Variants in TDRD6 observed in about 807,000 individuals in gnomAD.
TDRD6 encodes tudor domain-containing protein 6.
TDRD6 carries 186 observed loss-of-function variants against 157.5 expected under a neutral mutation model. The observed-to-expected ratio is 1.18, with a 90% CI of 1.05 to 1.33. The LOEUF (loss-of-function observed/expected upper bound fraction) is 1.33, where lower values mean the gene tolerates loss of function less well. Ranked by LOEUF, TDRD6 falls within the 40% of genes most tolerant of loss-of-function variation. TDRD6 has a pLI of 0.00. For missense variants in TDRD6, 3,066 were observed against 2,508.0 expected (o/e 1.22, Z -4.75); for synonymous variants, 1,075 against 945.2 (o/e 1.14, Z -2.52).
In TDRD6 at chr6:46,692,164, G is replaced by C; in HGVS notation, c.4036G>C (p.Glu1346Gln). 1 of 1,614,074 alleles carries C rather than the reference G, an allele frequency of 6.2e-7. No homozygotes were observed. The change falls in exon 1 of 4, where the codon GAA becomes CAA. Residue 1346 changes from glutamate (E) to glutamine (Q), a missense_variant. Transcript: ENST00000316081. ...ATTAAACAGTGTTAAAACAAGGCCC[G>C]AATATTATGTAGGTCCACCTTTGCA... is the stretch of plus-strand genomic sequence containing the variant. ...ERLNSVKTRPEYYVGPPLQRG... is the reference protein window; with the variant it reads ...ERLNSVKTRPQYYVGPPLQRG...
upstream of TDRD6, chr6:46,687,865 G>A: frequency 2.2e-6 from 1 of 445,820 alleles, no homozygotes; most frequent in East Asian, 4.3e-5. Context: ...GGAAGTGGCG[G>A]CGCCGAGTGA....
At position 46,702,095 on chromosome 6, in the gene TDRD6, C is replaced by T. The variant is rs1764640674; in HGVS notation, c.*208C>T. On this transcript the variant is annotated 3_prime_UTR_variant, in exon 4 of 4. Coordinates refer to ENST00000316081, the MANE Select transcript of TDRD6 (RefSeq NM_001010870.3). ...TAGTGATCCTGTTATATATACAGAT[C>T]TGGGATCTTTCGTCTTTATTGTCTT... is the stretch of plus-strand genomic sequence containing the variant. The T allele has an allele frequency of 4.8e-6, 2 of 416,530 alleles. No homozygotes were observed. Among genetic ancestry groups the T allele is most frequent in the Admixed American group, 4.1e-5 (1 of 24,098 alleles). 25.8% of individuals were successfully genotyped at this position (416,530 alleles called of 1,614,324 possible).
chr6:46,688,087 G>T lies in TDRD6; in HGVS notation c.-42G>T, dbSNP rs1448355935. 9.0e-6 allele frequency: 13 copies of T among 1,440,288 alleles called. No individual in the cohort carries two copies. Among genetic ancestry groups the T allele is most frequent in the Non-Finnish European group, 1.2e-5 (13 of 1,106,578 alleles). 89.2% of individuals were successfully genotyped at this position (1,440,288 alleles called of 1,614,324 possible). On this transcript the variant is annotated 5_prime_UTR_variant, in exon 1 of 4. Coordinates refer to ENST00000316081, the MANE Select transcript of TDRD6 (RefSeq NM_001010870.3). ...GAGGATTTCGAGGCCCTGAGGCGCG[G>T]CCCTTAATTTCCGGAAGTGGGGGCC...
chr6:46,689,328 A>ACTAG lies in TDRD6; in HGVS notation c.1201_1204dup (p.Gly402AlafsTer10). The ACTAG allele has an allele frequency of 6.2e-7, 1 of 1,614,164 alleles. No individual in the cohort carries two copies. The highest frequency in any genetic ancestry group is 8.5e-7 in the Non-Finnish European group (1 of 1,180,032). ...AGGTCGGTGACCTGAAGACACTGAT[A>ACTAG]CTAGGCAAGGCAGTGAATGCAAAGA... is the stretch of plus-strand genomic sequence containing the variant. On this transcript the variant is annotated frameshift_variant, in exon 1 of 4. Coordinates refer to ENST00000316081, the MANE Select transcript of TDRD6 (RefSeq NM_001010870.3). LOFTEE classifies it high-confidence loss of function.
upstream of TDRD6, chr6:46,687,874 G>A: frequency 2.1e-6 from 1 of 469,264 alleles, no homozygotes; most frequent in Non-Finnish European, 3.6e-6. Flanking sequence ...GGCGCCGAGT[G>A]AGGTAAATGC....
Position 46,691,414 on chromosome 6 carries a change from G to C in TDRD6, c.3286G>C (p.Val1096Leu). ...YDVLLLPMQA[V>L]RCSLSDIPDH... Reference sequence around the variant, plus strand: ...TGTCTTACTTTTGCCCATGCAAGCTGTCAGATGTTCATTATCTGATATTCC... The same window carrying C: ...TGTCTTACTTTTGCCCATGCAAGCTCTCAGATGTTCATTATCTGATATTCC... Residue 1096 changes from valine to leucine, a missense_variant, in exon 1 of 4, where the codon GTC (valine) becomes CTC (leucine). Coordinates refer to ENST00000316081, the MANE Select transcript of TDRD6 (RefSeq NM_001010870.3). The C allele has an allele frequency of 6.2e-7, 1 of 1,614,060 alleles. No homozygotes were observed.
In TDRD6 at chr6:46,693,296, A is replaced by G. The variant is rs1451800509; in HGVS notation, c.5168A>G (p.Tyr1723Cys). 1.2e-6 allele frequency: 2 copies of G among 1,611,618 alleles called. No individual in the cohort carries two copies. Among genetic ancestry groups the G allele is most frequent in the Non-Finnish European group, 8.5e-7 (1 of 1,179,442 alleles). ...DSEIKQTLGS[Y>C]NLDVGLKKLS... ...GAGATAAAGCAGACTCTTGGGTCCT[A>G]CAATCTTGATGTAGGACTTAAGAAA... Residue 1723 changes from tyrosine (Y) to cysteine (C), a missense_variant, in exon 1 of 4, where the codon TAC (tyrosine) becomes TGC (cysteine). Coordinates refer to ENST00000316081, the MANE Select transcript of TDRD6 (RefSeq NM_001010870.3).
In TDRD6 at chr6:46,692,510, T is replaced by C; in HGVS notation, c.4382T>C (p.Ile1461Thr). ...AAATTTCAAGACAGATGGGAAGTTATTCTTGCTGATGAACATGGGATCATA... is the reference window on the plus strand; with the variant it reads ...AAATTTCAAGACAGATGGGAAGTTACTCTTGCTGATGAACATGGGATCATA... The part of the protein sequence containing the change: ...FVKFQDRWEV[I>T]LADEHGIIAD... The change falls in exon 1 of 4, where the codon ATT becomes ACT. Residue 1461 changes from isoleucine to threonine, a missense_variant. Transcript: ENST00000316081. 3.1e-6 allele frequency: 5 copies of C among 1,613,818 alleles called. No individual in the cohort carries two copies. Among genetic ancestry groups the C allele is most frequent in the Non-Finnish European group, 4.2e-6 (5 of 1,180,016 alleles).
chr6:46,683,717 AACT>A (rs1369421560), upstream of TDRD6, among the ~76,000 whole-genome samples: 9 of 142,172 alleles, frequency 6.3e-5, no homozygotes, highest in African/African-American at 2.1e-4. Context: ...TATCACTAAT[AACT>A]ACAACTTATT....
upstream of TDRD6, among the ~76,000 whole-genome samples, chr6:46,684,039 T>G (rs1010129783): frequency 6.6e-6 from 1 of 152,092 alleles, no homozygotes; most frequent in African/African-American, 2.4e-5. Context: ...AGAGGGTAAA[T>G]TATTTGCCTG....
In TDRD6 at chr6:46,691,144, G is replaced by T. The variant is rs777461170; in HGVS notation, c.3016G>T (p.Ala1006Ser). The T allele has an allele frequency of 1.9e-6, 3 of 1,613,654 alleles. No homozygotes were observed. Among genetic ancestry groups the T allele is most frequent in the Non-Finnish European group, 2.5e-6 (3 of 1,179,854 alleles). ...CCCTTGGACATTTTATTGCCAGCTG[G>T]CAAGAAATGCAAATATTTTAGAACA... ...DDPWTFYCQL[A>S]RNANILEQLS... Residue 1006 changes from alanine to serine, a missense_variant, in exon 1 of 4, where the codon GCA (alanine) becomes TCA (serine). Transcript: ENST00000316081.
Position 46,692,300 on chromosome 6 carries a change from G to C in TDRD6, c.4172G>C (p.Gly1391Ala), listed in dbSNP as rs774971098. Residue 1391 changes from glycine (G) to alanine (A), a missense_variant, in exon 1 of 4, where the codon GGC (glycine) becomes GCC (alanine). By Grantham distance (60) the Gly-to-Ala change is moderately conservative. Transcript: ENST00000316081. The part of the protein sequence containing the change: ...DLLSVQFIDY[G>A]NVSVVHTNKI... Reference sequence around the variant, plus strand: ...CTCTCTGTGCAGTTTATAGATTATGGCAATGTTTCTGTGGTTCATACTAAC... The same window carrying C: ...CTCTCTGTGCAGTTTATAGATTATGCCAATGTTTCTGTGGTTCATACTAAC... The C allele has an allele frequency of 9.3e-6, 15 of 1,613,980 alleles. No individual in the cohort carries two copies. In the African/African-American group the frequency reaches 2.0e-4, roughly 22 times the overall value.
chr6:46,695,042 A>G (rs1307362580), intron 1 of TDRD6, among the ~76,000 whole-genome samples: 1 of 152,172 alleles, frequency 6.6e-6, no homozygotes, highest in Non-Finnish European at 1.5e-5. Flanking sequence ...ACTGTTTGCT[A>G]CTTAAAAAGA....
At chr6:46,685,015 T>G (rs1054185458), upstream of TDRD6, among the ~76,000 whole-genome samples, 96 of 116,932 alleles carry the variant, frequency 8.2e-4, 1 homozygote, top group Middle Eastern at 4.2e-3. Flanking sequence ...ACATTGTGGG[T>G]TTTTTTTTTT....
Position 46,692,596 on chromosome 6 carries a change from CAAGTAATTAAAAGTGCCAGTTCA to C in TDRD6, c.4473_4495del (p.Ile1492CysfsTer2), listed in dbSNP as rs1764366722. The C allele has an allele frequency of 6.2e-7, 1 of 1,613,378 alleles. No homozygotes were observed. Among genetic ancestry groups the C allele is most frequent in the African/African-American group, 1.3e-5 (1 of 74,944 alleles). On this transcript the variant is annotated frameshift_variant, in exon 1 of 4. Coordinates refer to ENST00000316081, the MANE Select transcript of TDRD6 (RefSeq NM_001010870.3). LOFTEE classifies it high-confidence loss of function. ...AAAATCTCAAGTAGAACTTTCTACC[CAAGTAATTAAAAGTGCCAGTTCA>C]AAGTCTGTTAACAAATCAGACATTG...
Position 46,690,476 on chromosome 6 carries a change from A to G in TDRD6, c.2348A>G (p.Asn783Ser). ...GAAGTCAGAGTGTCTTATGTTGAAA[A>G]CCCTGGCTATTTCTGGTGTCAGCTG... ...TVEVRVSYVE[N>S]PGYFWCQLTR... The change falls in exon 1 of 4, where the codon AAC (asparagine) becomes AGC (serine). Residue 783 changes from asparagine to serine, a missense_variant. By Grantham distance (46) the Asn-to-Ser change is conservative. Transcript: ENST00000316081. The G allele has an allele frequency of 1.2e-6, 2 of 1,613,934 alleles. No individual in the cohort carries two copies. The highest frequency in any genetic ancestry group is 1.7e-6 in the Non-Finnish European group (2 of 1,179,940).
At position 46,692,975 on chromosome 6, in the gene TDRD6, C is replaced by A. The variant is rs761138813; in HGVS notation, c.4847C>A (p.Ala1616Glu). 1.3e-5 allele frequency: 21 copies of A among 1,612,292 alleles called. No individual in the cohort carries two copies. In the Admixed American group the frequency reaches 3.3e-4, roughly 26 times the overall value. Residue 1616 changes from alanine to glutamate, a missense_variant, in exon 1 of 4, where the codon GCA (alanine) becomes GAA (glutamate). Ala to Glu is a moderately radical substitution (Grantham distance 107, BLOSUM62 -1). Transcript: ENST00000316081. ...GNIEDCVDPK[A>E]LWAIPSELLS... Reference sequence around the variant, plus strand: ...ATTGAAGACTGTGTGGACCCAAAAGCACTCTGGGCCATTCCTTCTGAACTT... The same window carrying A: ...ATTGAAGACTGTGTGGACCCAAAAGAACTCTGGGCCATTCCTTCTGAACTT...
Position 46,693,821 on chromosome 6 carries a change from G to C in TDRD6, c.5693G>C (p.Ser1898Thr), listed in dbSNP as rs772448416. The change falls in exon 1 of 4, where the codon AGC becomes ACC. Residue 1898 changes from serine (S) to threonine (T), a missense_variant. Transcript: ENST00000316081. ...MELFTLQLPL[S>T]CEAEKQPELE... ...CTATTTACACTGCAGCTTCCTCTCAGCTGTGAAGCTGAGAAACAGCCAGAA... is the reference window on the plus strand; with the variant it reads ...CTATTTACACTGCAGCTTCCTCTCACCTGTGAAGCTGAGAAACAGCCAGAA... The C allele has an allele frequency of 6.2e-7, 1 of 1,614,190 alleles. No individual in the cohort carries two copies. The highest frequency in any genetic ancestry group is 8.5e-7 in the Non-Finnish European group (1 of 1,180,032).
In TDRD6 at chr6:46,693,940, G is replaced by T. The variant is rs1764422501; in HGVS notation, c.5812G>T (p.Glu1938Ter). Residue 1938 changes from glutamate (E) to a stop codon, truncating the protein, a stop_gained, in exon 1 of 4, where the codon GAG becomes TAG. Transcript: ENST00000316081. LOFTEE classifies it high-confidence loss of function. ...SQKAQESMCT[E>*]DMRKSSCVES... is the part of the protein sequence containing the mutation. ...GAAAGCACAGGAATCCATGTGTACT[G>T]AGGACATGAGAAAGTCAAGTTGTGT... The T allele has an allele frequency of 1.2e-6, 2 of 1,613,828 alleles. No individual in the cohort carries two copies. Among genetic ancestry groups the T allele is most frequent in the South Asian group, 1.1e-5 (1 of 91,042 alleles).
Sources: gnomAD v4.1 joint callset for allele counts (sites outside exome capture counted in the v4.1 genomes callset) on GRCh38, gnomAD v4.1.1 for gene constraint, MANE v1.5 for transcripts, NCBI Gene and HGNC (gene_info 2026-07-23, HGNC 2026-07-21) for gene names.